The following AXL variants were observed in gnomAD, a reference collection of about 807,000 sequenced individuals.
AXL encodes tyrosine-protein kinase receptor UFO.
AXL carries 52 observed loss-of-function variants against 104.5 expected under a neutral mutation model. The observed-to-expected ratio is 0.50, with a 90% confidence interval of 0.40 to 0.63. The LOEUF is 0.63. Ranked by LOEUF, AXL falls within the 20% of genes least tolerant of loss-of-function variation. AXL has a pLI of 0.00. For missense variants in AXL, 1,024 were observed against 1,188.5 expected (o/e 0.86, Z 2.04); for synonymous variants, 455 against 473.7 (o/e 0.96, Z 0.51).
intron 6 of AXL, 101 bp from the exon 7 acceptor site, chr19:41,237,843 A>G: frequency 8.8e-7 from 1 of 1,141,666 alleles, no homozygotes; most frequent in Admixed American, 2.0e-5. Flanking sequence ...CGCACCCTTG[A>G]AAAGTTGTGT....
chr19:41,220,941 G>C, intron 2 of AXL, 83 bp downstream of exon 2: 1 of 1,501,524 alleles, frequency 6.7e-7, no homozygotes, highest in African/African-American at 1.4e-5. Flanking sequence ...ACCCCAGTTT[G>C]ACCACTTGTC....
At chr19:41,229,999 GTC>G (rs2033948079) in intron 4 of AXL, among the ~76,000 whole-genome samples, 1 of 151,940 alleles carries the variant, frequency 6.6e-6, no homozygotes, top group Admixed American at 6.6e-5. Flanking sequence ...GCTTTTGTGT[GTC>G]TATGTGTGAG....
At chr19:41,241,446 A>T (rs2034178644) in intron 10 of AXL, among the ~76,000 whole-genome samples, 1 of 150,416 alleles carries the variant, frequency 6.6e-6, no homozygotes, top group African/African-American at 2.5e-5. Flanking sequence ...CGGGAGGCTG[A>T]GGCACAAGAA....
At chr19:41,256,890 A>C (rs1328314551) in intron 18 of AXL, among the ~76,000 whole-genome samples, 5 of 152,224 alleles carry the variant, frequency 3.3e-5, no homozygotes, top group Non-Finnish European at 5.9e-5. Context: ...GCATGTGCGC[A>C]CACTCATAGA....
Position 41,248,819 on chromosome 19 carries a change from G to A in AXL, c.1710G>A (p.Lys570=). Residue 570 remains lysine, a splice_region_variant and synonymous_variant, in exon 14 of 20, where the codon AAG becomes AAA. Coordinates refer to ENST00000301178, the MANE Select transcript of AXL (RefSeq NM_021913.5). Reference sequence around the variant, plus strand: ...TCAAGGTGGCTGTGAAGACGATGAAGAGTGAGTTACGTGCACATGTGTAGG... The same window carrying A: ...TCAAGGTGGCTGTGAAGACGATGAAAAGTGAGTTACGTGCACATGTGTAGG... ...SILKVAVKTM[K]IAICTRSELE... The A allele has an allele frequency of 6.2e-7, 1 of 1,609,794 alleles. No homozygotes were observed. The highest frequency in any genetic ancestry group is 8.5e-7 in the Non-Finnish European group (1 of 1,177,562).
intron 12 of AXL, among the ~76,000 whole-genome samples, chr19:41,246,173 C>T (rs144275083): frequency 5.3e-5 from 8 of 152,250 alleles, no homozygotes; most frequent in African/African-American, 1.9e-4. Context: ...TCAGGCTGGG[C>T]ATAGTGGCAC....
At chr19:41,244,111 G>A (rs1401410984) in intron 12 of AXL, among the ~76,000 whole-genome samples, 1 of 152,020 alleles carries the variant, frequency 6.6e-6, no homozygotes, top group Non-Finnish European at 1.5e-5. Context: ...GGCTGAGGTA[G>A]GAGGATCACC....
Position 41,219,352 on chromosome 19 carries a change from C to A in AXL, c.-41C>A. On this transcript the variant is annotated 5_prime_UTR_variant, in exon 1 of 20. Transcript: ENST00000301178. The stretch of plus-strand genomic sequence containing the variant: ...GGACAGCCCGGCCCTGCCCCCTCCC[C>A]CGCTGGGAGCCCAACAACTTCTGAG... 1.3e-6 allele frequency: 2 copies of A among 1,547,084 alleles called. No individual in the cohort carries two copies. Among genetic ancestry groups the A allele is most frequent in the South Asian group, 1.2e-5 (1 of 83,930 alleles).
Position 41,257,589 on chromosome 19 carries a change from G to A in AXL, c.2293G>A (p.Gly765Arg), listed in dbSNP as rs2122293294. Residue 765 changes from glycine to arginine, a missense_variant, in exon 19 of 20, where the codon GGA becomes AGA. Physicochemically the swap from Gly to Arg is moderately radical, Grantham distance 125. Around this residue, in one of 5 missense-constraint regions of AXL, gnomAD observed 523 missense variants for 636.0 expected, o/e 0.82. Transcript: ENST00000301178. ...CGAGATTTATGACTATCTGCGCCAG[G>A]GAAATCGCCTGAAGCAGCCTGCGGA... ...NSEIYDYLRQ[G>R]NRLKQPADCL... The A allele has an allele frequency of 6.2e-7, 1 of 1,614,178 alleles. No individual in the cohort carries two copies. The highest frequency in any genetic ancestry group is 8.5e-7 in the Non-Finnish European group (1 of 1,180,036).
chr19:41,221,394 GT>G (rs2033788638), intron 3 of AXL, 148 bp downstream of exon 3: 1 of 657,160 alleles, frequency 1.5e-6, no homozygotes. Context: ...GAATGTCAGA[GT>G]TTTGGGTGGT....
At position 41,236,880 on chromosome 19, in the gene AXL, G is replaced by T. The variant is rs557067183; in HGVS notation, c.784-1064G>T. Among the ~76,000 whole-genome samples, 46 of 151,980 alleles carry T rather than the reference G, an allele frequency of 3.0e-4. No individual in the cohort carries two copies. The South Asian group carries it at 9.3e-3, about 31-fold the overall frequency. On this transcript the variant is annotated intron_variant, in intron 6 of 19. Transcript: ENST00000301178. Reference sequence around the variant, plus strand: ...AGCTCGTCTAACACATGTGGCCCAGGATGGCTTTGAATGCGGCCCAACATA... The same window carrying T: ...AGCTCGTCTAACACATGTGGCCCAGTATGGCTTTGAATGCGGCCCAACATA...
rs1196627250 is a variant in AXL at position 41,260,151 on chromosome 19, G to A, written c.*247G>A. Reference sequence around the variant, plus strand: ...TGCAATATCTGAAGCCCTCCCAGGTGTTAACATTCCAAGACTCTAGAGTCC... The same window carrying A: ...TGCAATATCTGAAGCCCTCCCAGGTATTAACATTCCAAGACTCTAGAGTCC... On this transcript the variant is annotated 3_prime_UTR_variant, in exon 20 of 20. Transcript: ENST00000301178. 2 of 473,210 alleles carry A rather than the reference G, an allele frequency of 4.2e-6. No homozygotes were observed. Among genetic ancestry groups the A allele is most frequent in the Admixed American group, 3.8e-5 (1 of 26,120 alleles). The allele number at this position is 473,210 out of a possible 1,614,324, so 29.3% of individuals were successfully genotyped here. A position where few individuals can be genotyped will look rare whatever the true frequency, so the allele number is the denominator to read the frequency against.
At chr19:41,236,606 C>T (rs903677133) in intron 6 of AXL, among the ~76,000 whole-genome samples, 6 of 151,642 alleles carry the variant, frequency 4.0e-5, no homozygotes, top group East Asian at 1.9e-4. Context: ...CATGGTGAAA[C>T]GCTGTCTCTA....
chr19:41,239,541 C>T (rs1476058151), intron 9 of AXL, among the ~76,000 whole-genome samples, 153 bp from the exon 10 acceptor site: 5 of 151,360 alleles, frequency 3.3e-5, no homozygotes, highest in African/African-American at 4.9e-5. Context: ...ACCCGTGCCA[C>T]ACCCTCACTC....
In AXL at chr19:41,256,694, G is replaced by GC; in HGVS notation, c.2196+84dup. On this transcript the variant is annotated intron_variant, in intron 18 of 19. Coordinates refer to ENST00000301178, the MANE Select transcript of AXL (RefSeq NM_021913.5). ...ACACTATGCCTGGGTGGCTGTGGAT[G>GC]CAAGGGTCACAGGGACATGTGGGCT... 2.6e-6 allele frequency: 4 copies of GC among 1,556,664 alleles called. No homozygotes were observed. The South Asian group carries it at 3.5e-5, about 13-fold the overall frequency.
At chr19:41,247,972 G>A (rs1016930822) in intron 12 of AXL, among the ~76,000 whole-genome samples, 1 of 151,904 alleles carries the variant, frequency 6.6e-6, no homozygotes, top group Non-Finnish European at 1.5e-5. Context: ...ACCCAGGCTG[G>A]AGTGAAGTGG....
Position 41,219,349 on chromosome 19 carries a change from C to T in AXL, c.-44C>T, listed in dbSNP as rs780019975. On this transcript the variant is annotated 5_prime_UTR_variant, in exon 1 of 20. Transcript: ENST00000301178. ...CGGGGACAGCCCGGCCCTGCCCCCTCCCCCGCTGGGAGCCCAACAACTTCT... is the reference window on the plus strand; with the variant it reads ...CGGGGACAGCCCGGCCCTGCCCCCTTCCCCGCTGGGAGCCCAACAACTTCT... 12 of 1,542,848 alleles carry T rather than the reference C, an allele frequency of 7.8e-6. No homozygotes were observed. Among genetic ancestry groups the T allele is most frequent in the South Asian group, 3.6e-5 (3 of 83,710 alleles).
rs139202291 is a variant in AXL at position 41,251,470 on chromosome 19, G to A, written c.1712-881G>A. On this transcript the variant is annotated intron_variant, in intron 14 of 19. Coordinates refer to ENST00000301178, the MANE Select transcript of AXL (RefSeq NM_021913.5). ...CCAGCTACTCGGGAGGCTGAGGTACGAGAATCTCTTGAACTGGGGAGGCAG... is the reference window on the plus strand; with the variant it reads ...CCAGCTACTCGGGAGGCTGAGGTACAAGAATCTCTTGAACTGGGGAGGCAG... Among the ~76,000 whole-genome samples the A allele has an allele frequency of 4.6e-3, 695 of 151,974 alleles. 34 individuals are homozygous for A. In the East Asian group the frequency reaches 0.12, roughly 25 times the overall value.
Position 41,239,684 on chromosome 19 carries a change from C to T in AXL, c.1286-10C>T. ...TGAGCACATCTCCTCTCTGTCCTTT[C>T]TTCTCACAGGGCAAGCACAGCCAGT... On this transcript the variant is annotated splice_polypyrimidine_tract_variant and intron_variant, in intron 9 of 19. Transcript: ENST00000301178. 1 of 1,614,190 alleles carries T rather than the reference C, an allele frequency of 6.2e-7. No homozygotes were observed. Among genetic ancestry groups the T allele is most frequent in the East Asian group, 2.2e-5 (1 of 44,876 alleles).
Sources: allele counts gnomAD v4.1 joint callset (sites outside exome capture counted in the v4.1 genomes callset), GRCh38; gene constraint gnomAD v4.1.1; regional missense constraint gnomAD v4.1.1; transcripts MANE v1.5; gene names NCBI Gene and HGNC (gene_info 2026-07-23, HGNC 2026-07-21).